The following ATG7 variants were observed in gnomAD, a reference collection of about 807,000 sequenced individuals.
ATG7 encodes the protein ubiquitin-like modifier-activating enzyme ATG7.
ATG7 carries 70 observed loss-of-function variants against 82.4 expected under a neutral mutation model. That is an observed-to-expected ratio of 0.85 (90% CI 0.70 to 1.04). The LOEUF (loss-of-function observed/expected upper bound fraction) is 1.04, where lower values mean the gene tolerates loss of function less well. ATG7 is among the 50% of genes least tolerant of loss of function. The pLI, the probability that ATG7 is intolerant of heterozygous loss-of-function variation, is 0.00. For synonymous variants in ATG7, 287 were observed against 313.0 expected (o/e 0.92, Z 0.88); for missense variants, 792 against 864.3 (o/e 0.92, Z 1.05).
chr3:11,503,743 G>A (rs552990444), intron 20 of ATG7, among the ~76,000 whole-genome samples: 1 of 113,318 alleles, frequency 8.8e-6, no homozygotes. Context: ...GCAACAGACC[G>A]AGACTCTGTC....
At chr3:11,495,714 C>A (rs1204408094) in intron 20 of ATG7, among the ~76,000 whole-genome samples, 1 of 152,170 alleles carries the variant, frequency 6.6e-6, no homozygotes, top group Non-Finnish European at 1.5e-5. Context: ...TGATGGCCAT[C>A]ATTCTAACAG....
At chr3:11,362,179 C>G (rs571224598) in intron 16 of ATG7, among the ~76,000 whole-genome samples, 1 of 152,290 alleles carries the variant, frequency 6.6e-6, no homozygotes, top group East Asian at 1.9e-4. Flanking sequence ...AAAAATATCT[C>G]TAACAACCTC....
chr3:11,394,384 C>T (rs1362000469), intron 19 of ATG7, among the ~76,000 whole-genome samples: 1 of 152,204 alleles, frequency 6.6e-6, no homozygotes, highest in Non-Finnish European at 1.5e-5. Context: ...TTCTAAAAAT[C>T]TTCTTAAACA....
At chr3:11,395,965 A>AAAAG (rs1435086133) in intron 19 of ATG7, among the ~76,000 whole-genome samples, 5 of 78,084 alleles carry the variant, frequency 6.4e-5, no homozygotes, top group Non-Finnish European at 9.1e-5. Context: ...AAAAAAAAAA[A>AAAAG]GGTAGGGGGG....
At chr3:11,286,909 TTTATTA>T (rs5846701) in intron 3 of ATG7, among the ~76,000 whole-genome samples, 6 of 149,208 alleles carry the variant, frequency 4.0e-5, no homozygotes, top group East Asian at 3.9e-4. Context: ...CCAACCTTTT[TTTATTA>T]TTATTATTAT....
chr3:11,403,234 G>A (rs1377815952), intron 19 of ATG7, among the ~76,000 whole-genome samples: 1 of 152,178 alleles, frequency 6.6e-6, no homozygotes, highest in Non-Finnish European at 1.5e-5. Flanking sequence ...CTATCAATCT[G>A]AGGAAGTCTT....
intron 20 of ATG7, among the ~76,000 whole-genome samples, chr3:11,499,527 C>T (rs2091150800): frequency 6.6e-6 from 1 of 152,052 alleles, no homozygotes; most frequent in African/African-American, 2.4e-5. Flanking sequence ...GGGCGGATCA[C>T]CTGAGGTCAG....
chr3:11,434,159 C>T (rs985039245), intron 20 of ATG7, among the ~76,000 whole-genome samples: 1 of 152,218 alleles, frequency 6.6e-6, no homozygotes, highest in Non-Finnish European at 1.5e-5. Flanking sequence ...GCCTCTCCCC[C>T]ACACAGCTGG....
At chr3:11,407,973 T>A (rs2080512095) in intron 19 of ATG7, among the ~76,000 whole-genome samples, 1 of 152,262 alleles carries the variant, frequency 6.6e-6, no homozygotes. Flanking sequence ...CCTAGTTACT[T>A]AAGCAAACTT....
intron 13 of ATG7, among the ~76,000 whole-genome samples, chr3:11,345,262 A>G (rs891186634): frequency 6.6e-6 from 1 of 152,036 alleles, no homozygotes; most frequent in African/African-American, 2.4e-5. Context: ...AAAAAAAATT[A>G]GCCGGGCATG....
chr3:11,481,847 C>T (rs1342980341), intron 20 of ATG7, among the ~76,000 whole-genome samples: 1 of 152,158 alleles, frequency 6.6e-6, no homozygotes, highest in African/African-American at 2.4e-5. Context: ...GTTTATTTAT[C>T]TGTAAGATGG....
At chr3:11,468,625 A>G (rs1167171862) in intron 20 of ATG7, among the ~76,000 whole-genome samples, 1 of 152,168 alleles carries the variant, frequency 6.6e-6, no homozygotes, top group Non-Finnish European at 1.5e-5. Flanking sequence ...TGGAGAAAAC[A>G]CAGCCCTAGA....
intron 3 of ATG7, among the ~76,000 whole-genome samples, chr3:11,296,110 C>G (rs1025084476): frequency 1.3e-5 from 2 of 152,176 alleles, no homozygotes; most frequent in Non-Finnish European, 2.9e-5. Flanking sequence ...TCCCTAACTG[C>G]GGACATTCTC....
At chr3:11,348,224 G>C (rs1452106287) in intron 14 of ATG7, 189 bp downstream of exon 14, 1 of 734,606 alleles carries the variant, frequency 1.4e-6, no homozygotes, top group Non-Finnish European at 2.1e-6. Flanking sequence ...GTCAGGCATG[G>C]TGGCTCATAC....
intron 19 of ATG7, among the ~76,000 whole-genome samples, chr3:11,425,180 T>A (rs1159290593): frequency 6.6e-6 from 1 of 152,132 alleles, no homozygotes; most frequent in Non-Finnish European, 1.5e-5. Context: ...CCCAGGTTGG[T>A]CCTGAACTCC....
At chr3:11,385,155 G>A (rs1172701492) in intron 19 of ATG7, among the ~76,000 whole-genome samples, 1 of 152,118 alleles carries the variant, frequency 6.6e-6, no homozygotes, top group African/African-American at 2.4e-5. Flanking sequence ...TCAGCCTCCT[G>A]GGGAGCTGGG....
intron 3 of ATG7, among the ~76,000 whole-genome samples, chr3:11,287,273 G>A (rs1944245209): frequency 6.6e-6 from 1 of 152,210 alleles, no homozygotes; most frequent in Admixed American, 6.5e-5. Flanking sequence ...AGCTGCCAGG[G>A]GAGGAGTATG....
rs144742151 is a variant in ATG7 at position 11,385,016 on chromosome 3, TTTTGTTTGTTTGTTTG to T, written c.1956+4980_1956+4995del. On this transcript the variant is annotated intron_variant, in intron 19 of 20. Coordinates refer to ENST00000693202, the MANE Select transcript of ATG7 (RefSeq NM_001349232.2). ...GTCAACTTAGCTGCTTAAATAGTGTTTTTGTTTGTTTGTTTGTTTGTTTGTTTGTTTTGGGACGGAG... is the reference window on the plus strand; with the variant it reads ...GTCAACTTAGCTGCTTAAATAGTGTTTTTGTTTGTTTGTTTTGGGACGGAG... Among the ~76,000 whole-genome samples the T allele has an allele frequency of 5.9e-5, 9 of 151,796 alleles. 1 individual carries two copies. The highest frequency in any genetic ancestry group is 2.2e-4 in the African/African-American group (9 of 41,356).
chr3:11,501,718 C>A (rs2091336029), intron 20 of ATG7, among the ~76,000 whole-genome samples: 1 of 152,124 alleles, frequency 6.6e-6, no homozygotes, highest in African/African-American at 2.4e-5. Context: ...TAGACAGAGT[C>A]TCCCTCTGTT....
Sources: allele counts gnomAD v4.1 joint callset (sites outside exome capture counted in the v4.1 genomes callset), GRCh38; gene constraint gnomAD v4.1.1; transcripts MANE v1.5; gene names NCBI Gene and HGNC (gene_info 2026-07-23, HGNC 2026-07-21).